The following SP140 variants were observed in gnomAD, a reference collection of about 807,000 sequenced individuals.
SP140 encodes SP140 nuclear body protein, also known as nuclear body protein SP140.
Under a neutral mutation model 125.0 loss-of-function variants are expected in SP140, and 81 were observed. That is an observed-to-expected ratio of 0.65 (90% confidence interval 0.54 to 0.78). The LOEUF is 0.78. SP140 is among the 30% of genes least tolerant of loss of function. The pLI is 0.00. For synonymous variants in SP140, 312 were observed against 354.0 expected (o/e 0.88, Z 1.33); for missense variants, 858 against 1,037.0 (o/e 0.83, Z 2.37).
intron 22 of SP140, among the ~76,000 whole-genome samples, chr2:230,298,432 C>G (rs1289456487): frequency 1.3e-5 from 2 of 152,148 alleles, no homozygotes; most frequent in Admixed American, 6.5e-5. Flanking sequence ...AGATTTAGGT[C>G]TTTTCCACAC....
At chr2:230,263,820 G>A (rs180857391) in intron 12 of SP140, among the ~76,000 whole-genome samples, 18 of 152,266 alleles carry the variant, frequency 1.2e-4, no homozygotes, top group African/African-American at 4.3e-4. Context: ...TGTCTTATAT[G>A]GTTTCTGCCA....
intron 1 of SP140, chr2:230,209,922 T>C (rs764998499): frequency 6.4e-7 from 1 of 1,556,180 alleles, no homozygotes; most frequent in South Asian, 1.1e-5. Context: ...GAAGAAAGGC[T>C]TTTCTTACCT....
At chr2:230,256,313 C>T (rs1243750487) in intron 12 of SP140, among the ~76,000 whole-genome samples, 1 of 151,980 alleles carries the variant, frequency 6.6e-6, no homozygotes, top group Admixed American at 6.6e-5. Context: ...GAAAATGTGG[C>T]ACATATACAC....
intron 22 of SP140, among the ~76,000 whole-genome samples, chr2:230,300,347 G>C (rs1326807378): frequency 6.6e-6 from 1 of 152,112 alleles, no homozygotes; most frequent in African/African-American, 2.4e-5. Context: ...CAACATTTGA[G>C]AAAACCAGTG....
intron 6 of SP140, among the ~76,000 whole-genome samples, chr2:230,245,460 T>C (rs1309962727): frequency 6.6e-6 from 1 of 152,130 alleles, no homozygotes; most frequent in African/African-American, 2.4e-5. Context: ...ATACTGTATA[T>C]AGAAGAGACA....
At chr2:230,194,499 A>T in the SP140 span, among the ~76,000 whole-genome samples, 1 of 152,176 alleles carries the variant, frequency 6.6e-6, no homozygotes, top group Non-Finnish European at 1.5e-5. Flanking sequence ...GAAAGGGAAG[A>T]GGGAGAGAAT....
intron 21 of SP140, among the ~76,000 whole-genome samples, chr2:230,294,667 G>A (rs1362398586): frequency 1.3e-5 from 2 of 152,100 alleles, no homozygotes; most frequent in African/African-American, 2.4e-5. Context: ...TTCATAGTAA[G>A]GTGAGAGGAT....
intron 11 of SP140, among the ~76,000 whole-genome samples, chr2:230,254,017 A>G (rs1000089728): frequency 1.3e-5 from 2 of 152,228 alleles, no homozygotes; most frequent in Non-Finnish European, 2.9e-5. Context: ...GTAAAACCCA[A>G]AGAAACAGAG....
chr2:230,191,014 GC>G, the SP140 span, among the ~76,000 whole-genome samples: 1 of 151,996 alleles, frequency 6.6e-6, no homozygotes, highest in Non-Finnish European at 1.5e-5. Context: ...TATCCTTTTT[GC>G]TTAGGATTGT....
intron 15 of SP140, 44 bp downstream of exon 15, chr2:230,270,683 C>A: frequency 6.7e-7 from 1 of 1,493,616 alleles, no homozygotes; most frequent in Non-Finnish European, 9.3e-7. Context: ...ATTACAAATA[C>A]GTTTTTAATG....
Position 230,297,401 on chromosome 2 carries a change from T to G in SP140, c.2017-20T>G. The G allele has an allele frequency of 6.2e-7, 1 of 1,612,188 alleles. No homozygotes were observed. Among genetic ancestry groups the G allele is most frequent in the East Asian group, 2.2e-5 (1 of 44,864 alleles). On this transcript the variant is annotated intron_variant, in intron 21 of 26. Transcript: ENST00000392045. ...CAATGCATTCAATATCATAAATCAATCTTTCTGTTTTTTCAACAGAGAATA... is the reference window on the plus strand; with the variant it reads ...CAATGCATTCAATATCATAAATCAAGCTTTCTGTTTTTTCAACAGAGAATA...
intron 12 of SP140, among the ~76,000 whole-genome samples, chr2:230,266,806 ATCTTGTGTGGAATCCT>A (rs1427261223): frequency 1.3e-5 from 2 of 152,022 alleles, no homozygotes; most frequent in Admixed American, 6.6e-5. Flanking sequence ...GAAGCCAGCA[ATCTTGTGTGGAATCCT>A]TCTCACACTT....
chr2:230,312,678 C>G lies in SP140; in HGVS notation c.2598C>G (p.Asn866Lys). 6.2e-7 allele frequency: 1 copy of G among 1,604,524 alleles called. No homozygotes were observed. Among genetic ancestry groups the G allele is most frequent in the Non-Finnish European group, 8.5e-7 (1 of 1,171,896 alleles). The change falls in exon 27 of 27, where the codon AAC becomes AAG. Residue 866 changes from asparagine (N) to lysine (K), a missense_variant. Physicochemically the swap from Asn to Lys is moderately conservative, Grantham distance 94. Around this residue, in one of 4 missense-constraint regions of SP140, gnomAD observed 43 missense variants for 35.1 expected, o/e 1.23. Transcript: ENST00000392045. ...TTGCTATTCAGGAAACAAATGGGAA[C>G]AATTGACTGGATTAGTGGATGCTGA... ...EVFAIQETNG[N>K]N is the part of the protein sequence containing the mutation.
chr2:230,195,014 G>A, the SP140 span, among the ~76,000 whole-genome samples: 1 of 151,978 alleles, frequency 6.6e-6, no homozygotes, highest in African/African-American at 2.4e-5. Context: ...TAAACACCAA[G>A]AGAGTAACAA....
At chr2:230,199,615 T>C (rs118117655), upstream of SP140, among the ~76,000 whole-genome samples, 767 of 152,272 alleles carry the variant, frequency 5.0e-3, 7 homozygotes, top group Admixed American at 0.019. Flanking sequence ...TAACGCTTTT[T>C]CTGGCTTGGA....
intron 12 of SP140, among the ~76,000 whole-genome samples, chr2:230,256,458 G>A (rs1480086131): frequency 6.7e-6 from 1 of 148,196 alleles, no homozygotes; most frequent in Non-Finnish European, 1.5e-5. Context: ...TCACTCATAG[G>A]TGGGAATTGA....
chr2:230,202,205 A>G (rs2043251303), upstream of SP140, among the ~76,000 whole-genome samples: 2 of 152,212 alleles, frequency 1.3e-5, no homozygotes, highest in Admixed American at 1.3e-4. Flanking sequence ...TTACTTTTAC[A>G]TGAATTAATA....
chr2:230,287,677 T>C (rs2056564627), intron 17 of SP140, among the ~76,000 whole-genome samples: 1 of 152,216 alleles, frequency 6.6e-6, no homozygotes, highest in Non-Finnish European at 1.5e-5. Flanking sequence ...CAATTAGTTT[T>C]TTTCCTAACA....
intron 12 of SP140, among the ~76,000 whole-genome samples, chr2:230,263,216 C>T (rs1209555442): frequency 3.9e-5 from 6 of 152,122 alleles, no homozygotes; most frequent in East Asian, 1.9e-4. Context: ...TATAATGTCC[C>T]TCTGTGTCTC....
Sources: gnomAD v4.1 joint callset for allele counts (sites outside exome capture counted in the v4.1 genomes callset) on GRCh38, gnomAD v4.1.1 for gene constraint, gnomAD v4.1.1 regional missense constraint, MANE v1.5 for transcripts, NCBI Gene and HGNC (gene_info 2026-07-23, HGNC 2026-07-21) for gene names.